The following HDAC4 variants were observed in gnomAD, a reference collection of about 807,000 sequenced individuals.
HDAC4 encodes histone deacetylase 4.
HDAC4 carries 16 observed loss-of-function variants against 135.1 expected under a neutral mutation model. The ratio of observed to expected loss-of-function variants is 0.12; its 90% CI spans 0.08 to 0.18. HDAC4 has a LOEUF of 0.18. Ranked by LOEUF, HDAC4 falls within the 10% of genes least tolerant of loss-of-function variation. HDAC4 has a pLI of 1.00. For synonymous variants in HDAC4, 685 were observed against 653.4 expected (o/e 1.05, Z -0.74); for missense variants, 1,143 against 1,511.8 (o/e 0.76, Z 4.05).
At chr2:239,373,274 A>C (rs2411843) in intron 1 of HDAC4, among the ~76,000 whole-genome samples, 91,951 of 151,904 alleles carry the variant, frequency 0.61, 28,454 homozygotes, top group East Asian at 0.9. Flanking sequence ...CTCTTGCCAT[A>C]TTCTGCCAAG....
At chr2:239,284,143 C>T (rs1170171630) in intron 2 of HDAC4, among the ~76,000 whole-genome samples, 1 of 152,244 alleles carries the variant, frequency 6.6e-6, no homozygotes, top group East Asian at 1.9e-4. Context: ...CATCACAGGC[C>T]GCAGACACAC....
intron 12 of HDAC4, among the ~76,000 whole-genome samples, chr2:239,121,774 G>C (rs913489430): frequency 3.3e-5 from 5 of 152,228 alleles, no homozygotes; most frequent in African/African-American, 1.2e-4. Flanking sequence ...CAGGCCCCTT[G>C]CCTTGGCACT....
At chr2:239,248,203 T>C (rs1446588725) in intron 2 of HDAC4, among the ~76,000 whole-genome samples, 1 of 151,644 alleles carries the variant, frequency 6.6e-6, no homozygotes, top group Non-Finnish European at 1.5e-5. Context: ...TTTTTTGAGA[T>C]GGAGTCTCGC....
intron 5 of HDAC4, 95 bp from the exon 6 acceptor site, chr2:239,164,018 G>A (rs2042980106): frequency 1.3e-6 from 2 of 1,493,468 alleles, no homozygotes; most frequent in Non-Finnish European, 1.9e-6. Flanking sequence ...GGAAGGGCTG[G>A]GGACGGCTAT....
chr2:239,334,173 A>G (rs1277908304), intron 2 of HDAC4, among the ~76,000 whole-genome samples: 2 of 152,216 alleles, frequency 1.3e-5, no homozygotes, highest in African/African-American at 4.8e-5. Context: ...TTACAAAAAT[A>G]AAATTCCCCC....
intron 1 of HDAC4, among the ~76,000 whole-genome samples, chr2:239,389,691 G>A (rs1696067976): frequency 6.6e-6 from 1 of 152,158 alleles, no homozygotes; most frequent in African/African-American, 2.4e-5. Flanking sequence ...ACTGCTGCTG[G>A]GATTCATGAG....
At chr2:239,221,209 C>G (rs1483278710) in intron 3 of HDAC4, among the ~76,000 whole-genome samples, 1 of 152,120 alleles carries the variant, frequency 6.6e-6, no homozygotes, top group South Asian at 2.1e-4. Flanking sequence ...AAAAGAGAAG[C>G]GAAGGGGATG....
At chr2:239,351,956 G>A (rs1693195818) in intron 2 of HDAC4, among the ~76,000 whole-genome samples, 2 of 152,228 alleles carry the variant, frequency 1.3e-5, no homozygotes, top group African/African-American at 4.8e-5. Flanking sequence ...ACTCAGGCAG[G>A]TCGGCGGCAG....
rs1029905129 is a variant in HDAC4 at position 239,108,015 on chromosome 2, A to C, written c.2112+35T>G. On this transcript the variant is annotated intron_variant, in intron 15 of 26. Coordinates refer to ENST00000543185, the MANE Select transcript of HDAC4 (RefSeq NM_001378414.1). ...GAGGGTCCCCTCTAATGGTGCCCAA[A>C]GCCGCAGCTGCCCACCTGCCCCGGT... 2.5e-6 allele frequency: 4 copies of C among 1,609,776 alleles called. No homozygotes were observed. The African/African-American group carries it at 5.3e-5, about 22-fold the overall frequency.
chr2:239,063,555 G>A (rs1029996801), intron 24 of HDAC4, among the ~76,000 whole-genome samples: 1 of 152,154 alleles, frequency 6.6e-6, no homozygotes, highest in Non-Finnish European at 1.5e-5. Context: ...GTGTGCAAGG[G>A]GACGTATGCG....
chr2:239,176,419 T>C lies in HDAC4; in HGVS notation c.484A>G (p.Lys162Glu), dbSNP rs1559181569. The C allele has an allele frequency of 1.2e-6, 2 of 1,612,368 alleles. No individual in the cohort carries two copies. Among genetic ancestry groups the C allele is most frequent in the African/African-American group, 1.3e-5 (1 of 74,936 alleles). Residue 162 changes from lysine to glutamate, a missense_variant, in exon 5 of 27, where the codon AAA becomes GAA. Physicochemically the swap from Lys to Glu is moderately conservative, Grantham distance 56. Coordinates refer to ENST00000543185, the MANE Select transcript of HDAC4 (RefSeq NM_001378414.1). ...LQQLKNKEKG[K>E]ESAVASTEVK... ...CTTCCGTGCCCACACTCACTCTCTT[T>C]GCCCTTCTCCTTGTTCTTGAGCTGC...
At position 239,280,461 on chromosome 2, in the gene HDAC4, C is replaced by T. The variant is rs201293052; in HGVS notation, c.23-43797G>A. On this transcript the variant is annotated intron_variant, in intron 2 of 26. Coordinates refer to ENST00000543185, the MANE Select transcript of HDAC4 (RefSeq NM_001378414.1). ...ACTCAGCCGTGCCGACTGGTCCCTC[C>T]GATGGGCGAGCCAGGGGCACAGAAG... Among the ~76,000 whole-genome samples, 31 of 152,302 alleles carry T rather than the reference C, an allele frequency of 2.0e-4. No individual in the cohort carries two copies. In the East Asian group the frequency reaches 5.6e-3, roughly 28 times the overall value.
intron 3 of HDAC4, among the ~76,000 whole-genome samples, chr2:239,223,458 G>C (rs1218468518): frequency 2.0e-5 from 3 of 152,210 alleles, no homozygotes; most frequent in African/African-American, 7.2e-5. Context: ...TGGAAATGCA[G>C]AAGGCAGGGG....
At chr2:239,229,609 G>A (rs982283798) in intron 3 of HDAC4, among the ~76,000 whole-genome samples, 4 of 152,194 alleles carry the variant, frequency 2.6e-5, no homozygotes, top group Admixed American at 2.0e-4. Context: ...GTTTTAGGGA[G>A]ACAGAAATTA....
chr2:239,117,330 C>A (rs2039227156), intron 12 of HDAC4, among the ~76,000 whole-genome samples: 1 of 152,132 alleles, frequency 6.6e-6, no homozygotes, highest in Non-Finnish European at 1.5e-5. Flanking sequence ...AGGCCAGCCC[C>A]ACGTCTGGCT....
chr2:239,353,254 A>T (rs1440247903), intron 1 of HDAC4, among the ~76,000 whole-genome samples: 2 of 152,146 alleles, frequency 1.3e-5, no homozygotes, highest in African/African-American at 2.4e-5. Context: ...ACCTCAAGTG[A>T]TCCACCCACC....
At chr2:239,260,504 C>G (rs2049294697) in intron 2 of HDAC4, among the ~76,000 whole-genome samples, 1 of 152,212 alleles carries the variant, frequency 6.6e-6, no homozygotes, top group African/African-American at 2.4e-5. Context: ...CATCGTGGTA[C>G]AGAATGCCCC....
At chr2:239,268,009 G>C (rs950668522) in intron 2 of HDAC4, among the ~76,000 whole-genome samples, 8 of 152,220 alleles carry the variant, frequency 5.3e-5, no homozygotes, top group African/African-American at 1.9e-4. Flanking sequence ...TTGAATTCCA[G>C]GCATAAATCT....
At chr2:239,395,691 G>A (rs866239621) in intron 1 of HDAC4, among the ~76,000 whole-genome samples, 117 of 152,260 alleles carry the variant, frequency 7.7e-4, no homozygotes, top group Non-Finnish European at 1.4e-3. Context: ...GACTGCTCCA[G>A]ACCCCGCCTT....
Sources: gnomAD v4.1 joint callset for allele counts (sites outside exome capture counted in the v4.1 genomes callset) on GRCh38, gnomAD v4.1.1 for gene constraint, MANE v1.5 for transcripts, NCBI Gene and HGNC (gene_info 2026-07-23, HGNC 2026-07-21) for gene names.